Variants in PLCB4 observed in about 807,000 individuals in gnomAD.
PLCB4 encodes phospholipase C beta 4, also known as 1-phosphatidylinositol 4,5-bisphosphate phosphodiesterase beta-4.
PLCB4 carries 77 observed loss-of-function variants against 178.8 expected under a neutral mutation model. The ratio of observed to expected loss-of-function variants is 0.43; its 90% CI spans 0.36 to 0.52. The LOEUF is 0.52. PLCB4 is among the 20% of genes least tolerant of loss of function. The probability of loss-of-function intolerance (pLI) is 0.00; values close to 1 mark genes in which losing one functional copy is unlikely to be tolerated. For synonymous variants in PLCB4, 496 were observed against 490.8 expected, an observed-to-expected ratio of 1.01 and a Z score of -0.14; for missense variants, 1,024 against 1,453.4, an observed-to-expected ratio of 0.70 and a Z score of 4.80.
At chr20:9,433,815 T>C (rs1300942212) in intron 28 of PLCB4, among the ~76,000 whole-genome samples, 1 of 152,186 alleles carries the variant, frequency 6.6e-6, no homozygotes, top group African/African-American at 2.4e-5. Context: ...TCCACAGCTG[T>C]TGTTGAGAGG....
At chr20:9,187,922 T>C (rs1039577116) in intron 2 of PLCB4, among the ~76,000 whole-genome samples, 4 of 152,204 alleles carry the variant, frequency 2.6e-5, no homozygotes, top group Non-Finnish European at 4.4e-5. Context: ...TCTCTCAGTT[T>C]TAATACAAAA....
chr20:9,247,559 A>C (rs529244571), intron 3 of PLCB4, among the ~76,000 whole-genome samples: 1 of 152,338 alleles, frequency 6.6e-6, no homozygotes, highest in African/African-American at 2.4e-5. Context: ...TGTTTTGTTA[A>C]GTTTAGTTGT....
At position 9,134,400 on chromosome 20, in the gene PLCB4, C is replaced by T. The variant is rs187500172; in HGVS notation, c.-79+38058C>T. 2.6e-5 allele frequency among the ~76,000 whole-genome samples: 4 copies of T among 152,146 alleles called. No individual in the cohort carries two copies. The East Asian group carries it at 7.7e-4, about 29-fold the overall frequency. On this transcript the variant is annotated intron_variant, in intron 2 of 39. Coordinates refer to ENST00000378473, the MANE Select transcript of PLCB4 (RefSeq NM_001377142.1). ...CTAACTTCATTCAAATTTATAATTG[C>T]ATTAATTTAATTAATATGTAACTTT...
At chr20:9,222,630 C>A (rs1354633825) in intron 3 of PLCB4, among the ~76,000 whole-genome samples, 2 of 152,150 alleles carry the variant, frequency 1.3e-5, no homozygotes, top group Non-Finnish European at 2.9e-5. Context: ...CTTAGCATAT[C>A]CAAATAATTA....
intron 2 of PLCB4, among the ~76,000 whole-genome samples, chr20:9,157,808 C>T (rs1275547163): frequency 6.6e-6 from 1 of 152,010 alleles, no homozygotes; most frequent in African/African-American, 2.4e-5. Context: ...TGTGATGGTG[C>T]GTGGTCCTAG....
chr20:9,365,878 A>C (rs150675650), intron 9 of PLCB4, among the ~76,000 whole-genome samples: 1 of 152,186 alleles, frequency 6.6e-6, no homozygotes, highest in Non-Finnish European at 1.5e-5. Flanking sequence ...TTGTGCACCT[A>C]CTGTGGAAGG....
At position 9,375,345 on chromosome 20, in the gene PLCB4, G is replaced by A. The variant is rs555825276; in HGVS notation, c.744+2241G>A. ...CTCACTCAAGAAAGAATGGGCATTG[G>A]AATGTAAGGGTCAATTACTCCAAGA... On this transcript the variant is annotated intron_variant, in intron 12 of 39. Transcript: ENST00000378473. Among the ~76,000 whole-genome samples, 3 of 152,250 alleles carry A rather than the reference G, an allele frequency of 2.0e-5. No individual in the cohort carries two copies. In the South Asian group the frequency reaches 6.2e-4, roughly 32 times the overall value.
intron 28 of PLCB4, among the ~76,000 whole-genome samples, chr20:9,426,565 C>T (rs1268030933): frequency 1.3e-5 from 2 of 151,932 alleles, no homozygotes; most frequent in Non-Finnish European, 2.9e-5. Context: ...TTAGTAGAGA[C>T]GGGGTTTCAC....
intron 19 of PLCB4, among the ~76,000 whole-genome samples, chr20:9,400,854 C>T (rs1388053422): frequency 5.9e-5 from 9 of 152,170 alleles, no homozygotes; most frequent in South Asian, 2.1e-4. Flanking sequence ...GACTAGACCA[C>T]GCTCCAGGGA....
In PLCB4 at chr20:9,164,459, A is replaced by C. The variant is rs538626361; in HGVS notation, c.-78-52931A>C. ...CTCATGTCTTCTGAATCATTTTTTA[A>C]GTAAAATATTTTTCTCATCATATGA... On this transcript the variant is annotated intron_variant, in intron 2 of 39. Transcript: ENST00000378473. Among the ~76,000 whole-genome samples the C allele has an allele frequency of 9.7e-4, 148 of 152,314 alleles. 1 individual carries two copies. The highest frequency in any genetic ancestry group is 3.2e-3 in the African/African-American group (132 of 41,584).
intron 2 of PLCB4, among the ~76,000 whole-genome samples, chr20:9,126,232 A>G (rs1485818207): frequency 2.0e-5 from 3 of 152,226 alleles, no homozygotes; most frequent in Non-Finnish European, 4.4e-5. Context: ...AACATTGTTT[A>G]CTTTTAAAAA....
At chr20:9,105,011 A>G (rs2091309680) in intron 2 of PLCB4, among the ~76,000 whole-genome samples, 1 of 152,110 alleles carries the variant, frequency 6.6e-6, no homozygotes. Context: ...TTGCTCTGAT[A>G]TCTTGAGATA....
chr20:9,257,205 C>T (rs746299364), intron 3 of PLCB4, among the ~76,000 whole-genome samples: 1 of 152,146 alleles, frequency 6.6e-6, no homozygotes, highest in African/African-American at 2.4e-5. Context: ...GGGCATGTAA[C>T]TTGCTCTTTC....
intron 39 of PLCB4, among the ~76,000 whole-genome samples, chr20:9,477,085 G>C (rs1357518020): frequency 6.6e-6 from 1 of 152,174 alleles, no homozygotes; most frequent in Non-Finnish European, 1.5e-5. Flanking sequence ...CACAGAGTCA[G>C]GTCACTCACA....
intron 3 of PLCB4, among the ~76,000 whole-genome samples, chr20:9,289,367 T>C: frequency 6.6e-6 from 1 of 152,084 alleles, no homozygotes; most frequent in Non-Finnish European, 1.5e-5. Flanking sequence ...AAGCCAGGAT[T>C]TAAAGACACA....
At chr20:9,295,584 A>G (rs2094624628) in intron 3 of PLCB4, among the ~76,000 whole-genome samples, 1 of 152,190 alleles carries the variant, frequency 6.6e-6, no homozygotes, top group South Asian at 2.1e-4. Context: ...ATAAGAAACA[A>G]GATGACTTTT....
In PLCB4 at chr20:9,274,789, T is replaced by A. The variant is rs576865773; in HGVS notation, c.-15-33011T>A. Among the ~76,000 whole-genome samples the A allele has an allele frequency of 6.6e-5, 10 of 152,206 alleles. No homozygotes were observed. In the East Asian group the frequency reaches 1.9e-3, roughly 29 times the overall value. On this transcript the variant is annotated intron_variant, in intron 3 of 39. Coordinates refer to ENST00000378473, the MANE Select transcript of PLCB4 (RefSeq NM_001377142.1). ...AAAGATACAAGTATCCCTTATTATA[T>A]GACAGTCTTGCTTTTTCTGTACAGT... is the stretch of plus-strand genomic sequence containing the variant.
chr20:9,310,039 C>T (rs188695157), intron 4 of PLCB4, among the ~76,000 whole-genome samples: 291 of 152,242 alleles, frequency 1.9e-3, no homozygotes, highest in Middle Eastern at 3.4e-3. Flanking sequence ...AGCAAACATG[C>T]GTCTTCATGA....
intron 2 of PLCB4, among the ~76,000 whole-genome samples, chr20:9,196,651 G>T (rs1361836119): frequency 1.3e-5 from 2 of 152,178 alleles, no homozygotes; most frequent in African/African-American, 2.4e-5. Context: ...ATGAAGATTA[G>T]GGGTAGCCAA....
Sources: allele counts gnomAD v4.1 joint callset (sites outside exome capture counted in the v4.1 genomes callset), GRCh38; gene constraint gnomAD v4.1.1; transcripts MANE v1.5; gene names NCBI Gene and HGNC (gene_info 2026-07-23, HGNC 2026-07-21).